Variants in BEND2 observed in about 807,000 individuals in gnomAD.
BEND2 encodes the protein BEN domain containing 2.
In BEND2, 19 loss-of-function variants were observed where a neutral mutation model predicts 43.8. That is an observed-to-expected ratio of 0.43 (90% CI 0.30 to 0.64). The LOEUF (loss-of-function observed/expected upper bound fraction) is 0.64. Ranked by LOEUF, BEND2 falls within the 30% of genes least tolerant of loss-of-function variation. BEND2 has a pLI of 0.11. For missense variants in BEND2, 544 were observed against 574.0 expected, an observed-to-expected ratio of 0.95 and a Z score of 0.53; for synonymous variants, 226 against 210.1, an observed-to-expected ratio of 1.08 and a Z score of -0.66.
chrX:18,168,759 G>A (rs1387200606), intron 13 of BEND2, among the ~76,000 whole-genome samples: 1 of 111,510 alleles, frequency 9.0e-6, no homozygotes, highest in Non-Finnish European at 1.9e-5. Flanking sequence ...CCTGGACAGA[G>A]TTACCTTTGA....
chrX:18,206,053 A>C (rs1925322912), intron 4 of BEND2, among the ~76,000 whole-genome samples: 1 of 111,857 alleles, frequency 8.9e-6, no homozygotes, highest in Non-Finnish European at 1.9e-5. Flanking sequence ...ATCGGGATGA[A>C]AATCTCTCTC....
chrX:18,219,611 G>A (rs1463539655), intron 1 of BEND2, among the ~76,000 whole-genome samples: 1 of 112,648 alleles, frequency 8.9e-6, no homozygotes, highest in Non-Finnish European at 1.9e-5. Context: ...CAATTCTTTA[G>A]ACTCAAAGCT....
At chrX:18,173,468 C>T (rs5909415) in intron 12 of BEND2, among the ~76,000 whole-genome samples, 49,891 of 110,494 alleles carry the variant, frequency 0.45, 8,435 homozygotes, top group Middle Eastern at 0.5. Flanking sequence ...AGAATAAAGT[C>T]TTGCTACTTC....
At chrX:18,219,126 C>T (rs187672519) in intron 1 of BEND2, among the ~76,000 whole-genome samples, 11 of 112,050 alleles carry the variant, frequency 9.8e-5, no homozygotes, top group Admixed American at 2.8e-4. Flanking sequence ...CTTCCTTTGC[C>T]GCCAGAACCG....
intron 12 of BEND2, among the ~76,000 whole-genome samples, chrX:18,173,806 C>A (rs756032279): frequency 2.7e-5 from 3 of 111,789 alleles, no homozygotes; most frequent in Non-Finnish European, 3.8e-5. Context: ...CAGCAAAGAG[C>A]CACTTTCCGT....
chrX:18,180,737 A>G, intron 8 of BEND2, 87 bp from the exon 9 acceptor site: 1 of 689,593 alleles, frequency 1.5e-6, no homozygotes, highest in Non-Finnish European at 2.2e-6. Flanking sequence ...CTCAGACAAA[A>G]GAAAACTAAA....
chrX:18,197,919 G>T (rs2147418050), intron 6 of BEND2, among the ~76,000 whole-genome samples: 1 of 111,271 alleles, frequency 9.0e-6, no homozygotes, highest in African/African-American at 3.3e-5. Flanking sequence ...AGAAGCAAAA[G>T]CAGAAACCCC....
Position 18,163,008 on chromosome X carries a change from G to T in BEND2, c.*2001C>A, listed in dbSNP as rs1164206507. 1.8e-5 allele frequency: 2 copies of T among 112,334 alleles called. No homozygotes were observed. The highest frequency in any genetic ancestry group is 7.3e-4 in the South Asian group (2 of 2,732). 9.3% of individuals were successfully genotyped at this position (112,334 alleles called of 1,213,427 possible). On this transcript the variant is annotated 3_prime_UTR_variant, in exon 14 of 14. Transcript: ENST00000380033. Reference sequence around the variant, plus strand: ...AAAGATACATTTATTTATCAAAAATGAGTCTTATGAGCAGGCATTTAAAAT... The same window carrying T: ...AAAGATACATTTATTTATCAAAAATTAGTCTTATGAGCAGGCATTTAAAAT...
Position 18,203,626 on chromosome X carries a change from A to C in BEND2, c.782T>G (p.Val261Gly), listed in dbSNP as rs74391498. The C allele has an allele frequency of 4.4e-3, 5,354 of 1,209,651 alleles. 144 individuals are homozygous for C. The African/African-American group carries it at 0.078, about 18-fold the overall frequency. ...CAGACTGGATTCTCTTCGTGACAGA[A>C]CTGCCATAGGTACTGCTGTAGTAGC... ...ANATTAVPMAVLSRRESSLAN... is the reference protein window; with the variant it reads ...ANATTAVPMAGLSRRESSLAN... Residue 261 changes from valine to glycine, a missense_variant, in exon 5 of 14, where the codon GTT becomes GGT. Coordinates refer to ENST00000380033, the MANE Select transcript of BEND2 (RefSeq NM_153346.5).
intron 6 of BEND2, among the ~76,000 whole-genome samples, chrX:18,197,468 G>A (rs944172500): frequency 3.6e-5 from 4 of 111,643 alleles, no homozygotes; most frequent in South Asian, 3.8e-4. Context: ...TTTCAAAAAC[G>A]AGCTACTACT....
intron 6 of BEND2, among the ~76,000 whole-genome samples, chrX:18,197,427 C>A (rs1479568542): frequency 1.8e-5 from 2 of 111,323 alleles, no homozygotes; most frequent in Non-Finnish European, 3.8e-5. Flanking sequence ...GAGTGAGACT[C>A]CGCCTCAAAA....
Position 18,177,769 on chromosome X carries a change from C to A in BEND2, c.1430G>T (p.Gly477Val), listed in dbSNP as rs945160009. Reference sequence around the variant, plus strand: ...ATTTCTTTTTGGATCACCAAGATAGCCTTTAAAAATAAAGAGAAAAAGGAA... The same window carrying A: ...ATTTCTTTTTGGATCACCAAGATAGACTTTAAAAATAAAGAGAAAAAGGAA... ...SSSVCIPPKYGYLGDPKRNVR... is the reference protein window; with the variant it reads ...SSSVCIPPKYVYLGDPKRNVR... The change falls in exon 10 of 14, where the codon GGC becomes GTC. Residue 477 changes from glycine (G) to valine (V), a missense_variant and splice_region_variant. Physicochemically the swap from Gly to Val is moderately radical, Grantham distance 109. Coordinates refer to ENST00000380033, the MANE Select transcript of BEND2 (RefSeq NM_153346.5). 10 of 1,199,983 alleles carry A rather than the reference C, an allele frequency of 8.3e-6. No homozygotes were observed. The highest frequency in any genetic ancestry group is 2.2e-5 in the Admixed American group (1 of 45,540).
At chrX:18,218,060 G>A (rs898454335) in intron 1 of BEND2, among the ~76,000 whole-genome samples, 2 of 109,755 alleles carry the variant, frequency 1.8e-5, no homozygotes, top group African/African-American at 3.3e-5. Context: ...CCAGGATCCC[G>A]CCACTGCACT....
intron 12 of BEND2, among the ~76,000 whole-genome samples, chrX:18,172,908 C>T (rs1569115293): frequency 9.1e-6 from 1 of 110,165 alleles, no homozygotes; most frequent in African/African-American, 3.3e-5. Context: ...AAAATAGATA[C>T]ATATTATAAT....
At chrX:18,206,662 C>A (rs776382013) in intron 4 of BEND2, among the ~76,000 whole-genome samples, 1 of 110,360 alleles carries the variant, frequency 9.1e-6, no homozygotes, top group South Asian at 3.9e-4. Context: ...CTAGAATAGT[C>A]GGGAAGGGGT....
intron 9 of BEND2, among the ~76,000 whole-genome samples, chrX:18,179,558 C>G (rs186033251): frequency 8.3e-4 from 92 of 111,168 alleles, no homozygotes; most frequent in African/African-American, 2.9e-3. Flanking sequence ...AAACTGCAGT[C>G]CACTGGCCCA....
chrX:18,183,821 T>G (rs891675142), intron 8 of BEND2, among the ~76,000 whole-genome samples: 4 of 111,739 alleles, frequency 3.6e-5, no homozygotes, highest in African/African-American at 1.3e-4. Context: ...CTTTGTCTTG[T>G]GGCTTGGGTG....
intron 13 of BEND2, among the ~76,000 whole-genome samples, chrX:18,166,929 A>G (rs1455515735): frequency 9.1e-6 from 1 of 109,875 alleles, no homozygotes; most frequent in East Asian, 2.9e-4. Context: ...AAACCCATCT[A>G]TTGACTGAGG....
intron 8 of BEND2, among the ~76,000 whole-genome samples, chrX:18,188,124 C>T (rs1173943960): frequency 1.9e-4 from 21 of 110,700 alleles, no homozygotes; most frequent in Non-Finnish European, 3.4e-4. Context: ...TCTTAAAGAA[C>T]TAGGGAAGGA....
Sources: allele counts gnomAD v4.1 joint callset (sites outside exome capture counted in the v4.1 genomes callset), GRCh38; gene constraint gnomAD v4.1.1; transcripts MANE v1.5; gene names NCBI Gene and HGNC (gene_info 2026-07-23, HGNC 2026-07-21).